The following THSD7A variants were observed in gnomAD, a reference collection of about 807,000 sequenced individuals.
THSD7A encodes thrombospondin type-1 domain-containing protein 7A.
In THSD7A, 96 loss-of-function variants were observed where a neutral mutation model predicts 231.3. The ratio of observed to expected loss-of-function variants is 0.41; its 90% CI spans 0.35 to 0.49. The LOEUF is 0.49. Ranked by LOEUF, THSD7A falls within the 20% of genes least tolerant of loss-of-function variation. The pLI, the probability that THSD7A is intolerant of heterozygous loss-of-function variation, is 0.05. For missense variants in THSD7A, 2,290 were observed against 2,070.2 expected (o/e 1.11, Z -2.06); for synonymous variants, 940 against 743.3 (o/e 1.26, Z -4.30).
chr7:11,567,304 G>A (rs1039985111), intron 4 of THSD7A, among the ~76,000 whole-genome samples: 1 of 152,026 alleles, frequency 6.6e-6, no homozygotes, highest in Non-Finnish European at 1.5e-5. Flanking sequence ...CAGAGTAAAG[G>A]GGGAAGAGCC....
At chr7:11,728,517 C>T (rs533790900) in intron 1 of THSD7A, among the ~76,000 whole-genome samples, 4 of 151,414 alleles carry the variant, frequency 2.6e-5, no homozygotes, top group Non-Finnish European at 5.9e-5. Flanking sequence ...AAAGCTGATT[C>T]ATTTTTTCCT....
At chr7:11,392,934 T>C (rs1332852563) in intron 23 of THSD7A, among the ~76,000 whole-genome samples, 1 of 152,148 alleles carries the variant, frequency 6.6e-6, no homozygotes, top group Non-Finnish European at 1.5e-5. Flanking sequence ...ATAGAGCACC[T>C]GGGGGAAGGG....
intron 1 of THSD7A, among the ~76,000 whole-genome samples, chr7:11,669,673 T>G (rs180845045): frequency 6.6e-6 from 1 of 151,734 alleles, no homozygotes; most frequent in African/African-American, 2.4e-5. Flanking sequence ...ATTATATGAA[T>G]ATAAATTATT....
intron 1 of THSD7A, among the ~76,000 whole-genome samples, chr7:11,748,065 A>G (rs930225274): frequency 6.6e-6 from 1 of 151,894 alleles, no homozygotes; most frequent in African/African-American, 2.4e-5. Context: ...CTAAATAGGG[A>G]AGTTATATAA....
At chr7:11,479,984 TTTGA>T (rs929171261) in intron 7 of THSD7A, among the ~76,000 whole-genome samples, 42 of 152,308 alleles carry the variant, frequency 2.8e-4, no homozygotes, top group African/African-American at 9.9e-4. Flanking sequence ...ATTATCTTGA[TTTGA>T]TTATTACACA....
At chr7:11,689,578 G>A (rs989080822) in intron 1 of THSD7A, among the ~76,000 whole-genome samples, 3 of 151,580 alleles carry the variant, frequency 2.0e-5, no homozygotes, top group African/African-American at 7.3e-5. Flanking sequence ...CCCCTTGAGA[G>A]CCACAGGTTA....
At chr7:11,436,037 C>G (rs1204903634) in intron 13 of THSD7A, among the ~76,000 whole-genome samples, 1 of 152,010 alleles carries the variant, frequency 6.6e-6, no homozygotes, top group African/African-American at 2.4e-5. Flanking sequence ...TTTACTTATT[C>G]AACCATAATA....
Position 11,636,398 on chromosome 7 carries a change from T to A in THSD7A, c.754A>T (p.Arg252Trp), listed in dbSNP as rs1781848526. 3 of 1,613,658 alleles carry A rather than the reference T, an allele frequency of 1.9e-6. No individual in the cohort carries two copies. In the South Asian group the frequency reaches 3.3e-5, roughly 18 times the overall value. ...QSSPCEAEEL[R>W]YSLHVGPWST... is the part of the protein sequence containing the mutation. ...CAGGGCCCCACATGCAGGCTGTACCTGAGCTCCTCGGCCTCGCATGGACTG... is the reference window on the plus strand; with the variant it reads ...CAGGGCCCCACATGCAGGCTGTACCAGAGCTCCTCGGCCTCGCATGGACTG... The change falls in exon 2 of 28, where the codon AGG (arginine) becomes TGG (tryptophan). Residue 252 changes from arginine to tryptophan, a missense_variant. Transcript: ENST00000423059. This position sits in a 1 kb window ranked among gnomAD's most constrained non-coding sequence, Gnocchi z 10.0.
intron 7 of THSD7A, among the ~76,000 whole-genome samples, chr7:11,476,675 G>T (rs1786197788): frequency 1.3e-5 from 2 of 151,870 alleles, no homozygotes. Flanking sequence ...AAATTAGTCA[G>T]GCATGGTGGT....
intron 1 of THSD7A, among the ~76,000 whole-genome samples, chr7:11,691,632 T>C (rs1390332679): frequency 6.6e-6 from 1 of 151,382 alleles, no homozygotes; most frequent in Non-Finnish European, 1.5e-5. Context: ...CATAATAACA[T>C]CTACAATGTT....
intron 23 of THSD7A, among the ~76,000 whole-genome samples, chr7:11,393,943 C>T (rs1562573693): frequency 6.7e-6 from 1 of 149,408 alleles, no homozygotes; most frequent in Non-Finnish European, 1.5e-5. Context: ...AAACACTCTT[C>T]AGGATATTAT....
chr7:11,575,096 A>G (rs1220226783), intron 4 of THSD7A, among the ~76,000 whole-genome samples: 3 of 152,206 alleles, frequency 2.0e-5, no homozygotes, highest in Non-Finnish European at 4.4e-5. Context: ...TCTCATAAGT[A>G]AATAAATGTA....
chr7:11,523,962 G>A (rs1434465994), intron 6 of THSD7A, among the ~76,000 whole-genome samples: 1 of 151,950 alleles, frequency 6.6e-6, no homozygotes, highest in Non-Finnish European at 1.5e-5. Flanking sequence ...TATATTTGAG[G>A]TTTATAACAT....
chr7:11,555,711 C>G (rs947945462), intron 4 of THSD7A, among the ~76,000 whole-genome samples: 1 of 151,350 alleles, frequency 6.6e-6, no homozygotes, highest in Non-Finnish European at 1.5e-5. Flanking sequence ...TCTATTTCTC[C>G]TTTCAGTTCT....
At chr7:11,765,607 A>G (rs1317759061) in intron 1 of THSD7A, among the ~76,000 whole-genome samples, 2 of 152,168 alleles carry the variant, frequency 1.3e-5, no homozygotes. Flanking sequence ...TTATTTTTGA[A>G]TTACATTTTC....
Position 11,534,880 on chromosome 7 carries a change from G to A in THSD7A, c.1822+6539C>T, listed in dbSNP as rs1452816819. On this transcript the variant is annotated intron_variant, in intron 6 of 27. Transcript: ENST00000423059. The stretch of plus-strand genomic sequence containing the variant: ...TGGCTTTGGCCAGGCACAGTGTCAT[G>A]TGACTGTTGCCCCAGCTACTTGGGA... Among the ~76,000 whole-genome samples, 4 of 152,160 alleles carry A rather than the reference G, an allele frequency of 2.6e-5. No homozygotes were observed. In the East Asian group the frequency reaches 7.7e-4, roughly 29 times the overall value.
chr7:11,505,072 T>C (rs1330857253), intron 6 of THSD7A, among the ~76,000 whole-genome samples: 2 of 152,146 alleles, frequency 1.3e-5, no homozygotes, highest in Non-Finnish European at 2.9e-5. Flanking sequence ...CTCATTTGGT[T>C]CGGTAGGAAG....
chr7:11,379,237 G>A lies in THSD7A; in HGVS notation c.4634C>T (p.Ser1545Phe), dbSNP rs370956762. 3.7e-6 allele frequency: 6 copies of A among 1,613,518 alleles called. No homozygotes were observed. Among genetic ancestry groups the A allele is most frequent in the Non-Finnish European group, 4.2e-6 (5 of 1,179,636 alleles). The change falls in exon 26 of 28, where the codon TCT becomes TTT. Residue 1545 changes from serine (S) to phenylalanine (F), a missense_variant. Ser to Phe is a radical substitution (Grantham distance 155, BLOSUM62 -2). Coordinates refer to ENST00000423059, the MANE Select transcript of THSD7A (RefSeq NM_015204.3). ...GCATTGCTCAAGGGTGCTGTTAGAA[G>A]ACATGACTTCAGTGTACCCTTCTTC... ...HCEEGYTEVM[S>F]SNSTLEQCTL...
intron 1 of THSD7A, among the ~76,000 whole-genome samples, chr7:11,744,473 G>A (rs1782215621): frequency 6.6e-6 from 1 of 150,670 alleles, no homozygotes; most frequent in Admixed American, 6.6e-5. Flanking sequence ...TTAAGTTTTA[G>A]GGTACATGTG....
Sources: allele counts gnomAD v4.1 joint callset (sites outside exome capture counted in the v4.1 genomes callset), GRCh38; gene constraint gnomAD v4.1.1; non-coding constraint Gnocchi (gnomAD v3.1); transcripts MANE v1.5; gene names NCBI Gene and HGNC (gene_info 2026-07-23, HGNC 2026-07-21).